The following PHYH variants were observed in gnomAD, a reference collection of about 807,000 sequenced individuals.
PHYH encodes the protein phytanoyl-CoA 2-hydroxylase.
In PHYH, 32 loss-of-function variants were observed where a neutral mutation model predicts 38.5. That is an observed-to-expected ratio of 0.83 (90% CI 0.63 to 1.12). The LOEUF is 1.12. PHYH is among the 50% of genes most tolerant of loss of function. PHYH has a pLI of 0.00. For synonymous variants in PHYH, 166 were observed against 157.9 expected, an observed-to-expected ratio of 1.05 and a Z score of -0.38; for missense variants, 426 against 434.8, an observed-to-expected ratio of 0.98 and a Z score of 0.18.
intron 4 of PHYH, among the ~76,000 whole-genome samples, chr10:13,293,590 G>A (rs971264014): frequency 3.3e-5 from 5 of 151,796 alleles, no homozygotes; most frequent in African/African-American, 1.2e-4. Context: ...ATGAGCCACC[G>A]CGCCCGGCAG....
At chr10:13,297,717 C>T (rs1378803673) in intron 2 of PHYH, among the ~76,000 whole-genome samples, 1 of 151,798 alleles carries the variant, frequency 6.6e-6, no homozygotes, top group Non-Finnish European at 1.5e-5. Context: ...CTGCCTTGGC[C>T]TCCCAAAGTG....
chr10:13,294,789 A>T (rs1011665091), intron 3 of PHYH, 193 bp from the exon 4 acceptor site: 4 of 609,600 alleles, frequency 6.6e-6, no homozygotes, highest in Non-Finnish European at 2.9e-6. Flanking sequence ...GAATTAAATT[A>T]TTCCCTAGTT....
At chr10:13,289,259 G>A (rs907496908) in intron 5 of PHYH, among the ~76,000 whole-genome samples, 3 of 152,208 alleles carry the variant, frequency 2.0e-5, no homozygotes, top group East Asian at 3.9e-4. Flanking sequence ...GCAGTGACGC[G>A]ATCTCGGCTC....
intron 1 of PHYH, chr10:13,299,431 C>T (rs952378267): frequency 1.0e-6 from 1 of 1,000,890 alleles, no homozygotes. Flanking sequence ...CGCTGTCCTT[C>T]CCCAAATAGT....
intron 5 of PHYH, among the ~76,000 whole-genome samples, chr10:13,290,756 C>A (rs1835690084): frequency 6.6e-6 from 1 of 152,060 alleles, no homozygotes; most frequent in Non-Finnish European, 1.5e-5. Context: ...AGTCTGTCTG[C>A]CAATGAGGTC....
At chr10:13,296,945 C>T (rs946598848) in intron 2 of PHYH, among the ~76,000 whole-genome samples, 5 of 151,488 alleles carry the variant, frequency 3.3e-5, no homozygotes, top group Non-Finnish European at 7.4e-5. Flanking sequence ...CAGAGCCAGA[C>T]TCGGTCTCAA....
chr10:13,297,414 G>A (rs1832591144), intron 2 of PHYH, among the ~76,000 whole-genome samples: 1 of 149,002 alleles, frequency 6.7e-6, no homozygotes, highest in Admixed American at 6.9e-5. Flanking sequence ...AAAGATGCTA[G>A]CTAATATGTC....
chr10:13,287,041 T>C (rs1481855925), intron 6 of PHYH, among the ~76,000 whole-genome samples: 1 of 152,130 alleles, frequency 6.6e-6, no homozygotes, highest in East Asian at 1.9e-4. Flanking sequence ...TTGTTTGTTT[T>C]TTAATTAAAA....
intron 5 of PHYH, among the ~76,000 whole-genome samples, chr10:13,290,655 C>A (rs1458621744): frequency 6.6e-6 from 1 of 152,140 alleles, no homozygotes; most frequent in African/African-American, 2.4e-5. Context: ...CCCCCCGCAG[C>A]CTCCTGAGTA....
chr10:13,299,983 G>T lies in PHYH; in HGVS notation c.60C>A (p.Pro20=). The change falls in exon 1 of 9, where the codon CCC becomes CCA. Residue 20 remains proline (P), a synonymous_variant. Transcript: ENST00000263038. ...LQIVLGHLGR[P]SAGAVVAHPT... Reference sequence around the variant, plus strand: ...CAAAGGATACGACAGCCCCGGCCGAGGGGCGGCCGAGGTGGCCCAGAACAA... The same window carrying T: ...CAAAGGATACGACAGCCCCGGCCGATGGGCGGCCGAGGTGGCCCAGAACAA... The T allele has an allele frequency of 1.3e-6, 2 of 1,531,320 alleles. No individual in the cohort carries two copies. Among genetic ancestry groups the T allele is most frequent in the Non-Finnish European group, 1.7e-6 (2 of 1,144,200 alleles). 94.9% of individuals were successfully genotyped at this position (1,531,320 alleles called of 1,614,324 possible).
intron 1 of PHYH, 112 bp downstream of exon 1, chr10:13,299,856 G>A (rs1832702635): frequency 2.9e-5 from 39 of 1,346,012 alleles, no homozygotes; most frequent in Non-Finnish European, 3.5e-5. Flanking sequence ...GCGAGGAGGC[G>A]CTGGGGCTGC....
chr10:13,286,206 A>G (rs1835545324), intron 6 of PHYH, among the ~76,000 whole-genome samples: 1 of 152,086 alleles, frequency 6.6e-6, no homozygotes. Flanking sequence ...ACGCGTTAAT[A>G]GTCATCTCTC....
intron 4 of PHYH, among the ~76,000 whole-genome samples, chr10:13,292,158 C>T (rs1276715123): frequency 6.6e-6 from 1 of 152,200 alleles, no homozygotes; most frequent in Non-Finnish European, 1.5e-5. Flanking sequence ...TTTTTCTCTA[C>T]AAGAAACATA....
intron 1 of PHYH, among the ~76,000 whole-genome samples, chr10:13,299,133 A>AAG (rs1270701765): frequency 6.7e-6 from 1 of 150,194 alleles, no homozygotes; most frequent in Non-Finnish European, 1.5e-5. Context: ...CTGTTTCAAA[A>AAG]AAAAAAAAAA....
intron 8 of PHYH, among the ~76,000 whole-genome samples, chr10:13,280,728 C>G (rs771504565): frequency 6.6e-6 from 1 of 152,128 alleles, no homozygotes; most frequent in Non-Finnish European, 1.5e-5. Flanking sequence ...TGAAACAGGA[C>G]AGCCAGCACA....
intron 2 of PHYH, among the ~76,000 whole-genome samples, chr10:13,297,478 G>A (rs1832593700): frequency 6.6e-6 from 1 of 152,198 alleles, no homozygotes; most frequent in Middle Eastern, 3.4e-3. Flanking sequence ...TTTTGAGATG[G>A]AGTCTGGCTC....
chr10:13,299,942 C>T lies in PHYH; in HGVS notation c.75+26G>A, dbSNP rs532897057. ...GGCGGCGCCGGCGCCGGATCCAGCC[C>T]GAGCCCCGCGCAGCCCAAAGGATAC... On this transcript the variant is annotated intron_variant, in intron 1 of 8. Coordinates refer to ENST00000263038, the MANE Select transcript of PHYH (RefSeq NM_006214.4). 2.6e-6 allele frequency: 4 copies of T among 1,511,990 alleles called. No individual in the cohort carries two copies. The South Asian group carries it at 4.9e-5, about 19-fold the overall frequency. 93.7% of individuals were successfully genotyped at this position (1,511,990 alleles called of 1,614,324 possible).
chr10:13,280,725 G>A lies in PHYH; in HGVS notation c.963+251C>T, dbSNP rs1446474065. Among the ~76,000 whole-genome samples the A allele has an allele frequency of 2.0e-5, 3 of 152,104 alleles. No homozygotes were observed. The East Asian group carries it at 5.8e-4, about 29-fold the overall frequency. The stretch of plus-strand genomic sequence containing the variant: ...TTCCTTTACTGTCCTGTGTGAAACA[G>A]GACAGCCAGCACACCTCTGGACAGC... On this transcript the variant is annotated intron_variant, in intron 8 of 8. Transcript: ENST00000263038.
chr10:13,291,252 G>A (rs148709979), intron 5 of PHYH, among the ~76,000 whole-genome samples: 11 of 152,200 alleles, frequency 7.2e-5, no homozygotes, highest in African/African-American at 1.7e-4. Flanking sequence ...GCTTAGAGAC[G>A]TCGAATGGCA....
Sources: gnomAD v4.1 joint callset for allele counts (sites outside exome capture counted in the v4.1 genomes callset) on GRCh38, gnomAD v4.1.1 for gene constraint, MANE v1.5 for transcripts, NCBI Gene and HGNC (gene_info 2026-07-23, HGNC 2026-07-21) for gene names.